The following PALM2AKAP2 variants were observed in gnomAD, a reference collection of about 807,000 sequenced individuals.
PALM2AKAP2 encodes the protein PALM2 and AKAP2 fusion.
A neutral mutation model predicts 71.5 loss-of-function variants in PALM2AKAP2; 37 were observed. The ratio of observed to expected loss-of-function variants is 0.52; its 90% CI spans 0.40 to 0.68. The LOEUF (loss-of-function observed/expected upper bound fraction) is 0.68. PALM2AKAP2 is among the 30% of genes least tolerant of loss of function. The pLI, the probability that PALM2AKAP2 is intolerant of heterozygous loss-of-function variation, is 0.00. For missense variants in PALM2AKAP2, 1,224 were observed against 1,191.8 expected, an observed-to-expected ratio of 1.03 and a Z score of -0.40; for synonymous variants, 468 against 478.8, an observed-to-expected ratio of 0.98 and a Z score of 0.29.
intron 3 of PALM2AKAP2, among the ~76,000 whole-genome samples, chr9:109,884,428 C>T (rs1333294782): frequency 6.6e-6 from 1 of 152,084 alleles, no homozygotes; most frequent in Non-Finnish European, 1.5e-5. Flanking sequence ...TGCCACTGCA[C>T]TCCAGCCTGG....
intron 1 of PALM2AKAP2, among the ~76,000 whole-genome samples, chr9:110,074,162 T>A (rs994816729): frequency 2.0e-5 from 3 of 152,192 alleles, no homozygotes; most frequent in Non-Finnish European, 4.4e-5. Flanking sequence ...TTGCGGGATG[T>A]TCAACAAAAT....
At chr9:109,945,562 G>A (rs1429237025) in intron 6 of PALM2AKAP2, 1 of 152,160 alleles carries the variant, frequency 6.6e-6, no homozygotes, top group Non-Finnish European at 1.5e-5. Flanking sequence ...GGAGAAAACA[G>A]TTTCAATGTC....
chr9:109,662,399 G>A (rs1178234843), intron 1 of PALM2AKAP2, among the ~76,000 whole-genome samples: 2 of 152,136 alleles, frequency 1.3e-5, no homozygotes, highest in African/African-American at 4.8e-5. Context: ...TTTGTCAAAG[G>A]CCTTTTCTGC....
chr9:110,135,164 A>AAAAAAAAAAATATAT lies in PALM2AKAP2; in HGVS notation c.157-962_157-961insAAAAAAAAATATATA. On this transcript the variant is annotated intron_variant, in intron 1 of 3. Coordinates refer to ENST00000374525, the Ensembl canonical transcript of PALM2AKAP2. ...AACTCTGTCTCTACAAAAAAAAAAAAATATATAAATATATATATATATATA... is the reference window on the plus strand; with the variant it reads ...AACTCTGTCTCTACAAAAAAAAAAAAAAAAAAAAAATATATATATATAAATATATATATATATATA... Among the ~76,000 whole-genome samples, 165 of 51,648 alleles carry AAAAAAAAAAATATAT rather than the reference A, an allele frequency of 3.2e-3. 7 individuals carry two copies. The highest frequency in any genetic ancestry group is 0.011 in the African/African-American group (144 of 13,558). 33.9% of individuals were successfully genotyped at this position (51,648 alleles called of 152,430 possible). A position where few individuals can be genotyped will look rare whatever the true frequency, so the allele number is the denominator to read the frequency against.
At chr9:110,132,353 C>G (rs565565871) in intron 1 of PALM2AKAP2, among the ~76,000 whole-genome samples, 1 of 151,432 alleles carries the variant, frequency 6.6e-6, no homozygotes, top group African/African-American at 2.4e-5. Flanking sequence ...AGCCACCGTG[C>G]GGGCTTCTTT....
At chr9:110,042,537 A>G (rs1833527559) in intron 7 of PALM2AKAP2, among the ~76,000 whole-genome samples, 1 of 152,246 alleles carries the variant, frequency 6.6e-6, no homozygotes, top group Admixed American at 6.5e-5. Flanking sequence ...TAAACATACA[A>G]ATCATCCATA....
intron 1 of PALM2AKAP2, among the ~76,000 whole-genome samples, chr9:109,697,592 A>C (rs371838880): frequency 6.6e-6 from 1 of 152,204 alleles, no homozygotes; most frequent in Non-Finnish European, 1.5e-5. Context: ...GTTTAGGATA[A>C]TATCATTTAT....
chr9:109,892,460 G>C (rs1313874676), intron 3 of PALM2AKAP2, among the ~76,000 whole-genome samples: 1 of 152,222 alleles, frequency 6.6e-6, no homozygotes, highest in East Asian at 1.9e-4. Context: ...AGGTTCTGGG[G>C]GTTAGGGTGT....
At chr9:109,922,764 C>T (rs1243256709) in intron 3 of PALM2AKAP2, among the ~76,000 whole-genome samples, 1 of 152,078 alleles carries the variant, frequency 6.6e-6, no homozygotes, top group Non-Finnish European at 1.5e-5. Context: ...CTTTAGATCC[C>T]ATGTGGTAAG....
At chr9:110,079,410 C>T (rs545629193) in intron 1 of PALM2AKAP2, among the ~76,000 whole-genome samples, 1 of 152,060 alleles carries the variant, frequency 6.6e-6, no homozygotes, top group Non-Finnish European at 1.5e-5. Context: ...GCAGGAGAAT[C>T]GCTTGAACTC....
intron 1 of PALM2AKAP2, among the ~76,000 whole-genome samples, chr9:109,817,780 G>A (rs1225404755): frequency 6.6e-6 from 1 of 152,130 alleles, no homozygotes; most frequent in Non-Finnish European, 1.5e-5. Flanking sequence ...TGGAAACAGG[G>A]CCCCTTTGTT....
At chr9:109,758,238 T>G (rs1828996301) in intron 1 of PALM2AKAP2, among the ~76,000 whole-genome samples, 2 of 152,150 alleles carry the variant, frequency 1.3e-5, no homozygotes, top group Non-Finnish European at 2.9e-5. Flanking sequence ...TGTACTATTG[T>G]ATGATATACA....
intron 1 of PALM2AKAP2, among the ~76,000 whole-genome samples, chr9:110,093,051 AGTGGCAGAAGAGGTG>A (rs1834752709): frequency 6.6e-6 from 1 of 152,174 alleles, no homozygotes. Context: ...GAAGGTAGAG[AGTGGCAGAAGAGGTG>A]GTTCTTTAAG....
intron 1 of PALM2AKAP2, among the ~76,000 whole-genome samples, chr9:109,759,280 G>A (rs978117029): frequency 7.2e-5 from 11 of 151,964 alleles, no homozygotes; most frequent in Admixed American, 1.3e-4. Flanking sequence ...ACACTTAGAT[G>A]TGATGTATCC....
At chr9:109,733,489 C>T (rs973000897) in intron 1 of PALM2AKAP2, among the ~76,000 whole-genome samples, 2 of 152,172 alleles carry the variant, frequency 1.3e-5, no homozygotes, top group African/African-American at 2.4e-5. Flanking sequence ...GTGGAAATAC[C>T]CTGGTGTGGT....
At chr9:109,772,747 A>C (rs1829288017) in intron 1 of PALM2AKAP2, among the ~76,000 whole-genome samples, 2 of 152,170 alleles carry the variant, frequency 1.3e-5, no homozygotes, top group African/African-American at 4.8e-5. Flanking sequence ...CCCTTCCAAA[A>C]ACTTGAAAGC....
At chr9:109,679,519 T>C (rs1827070218) in intron 1 of PALM2AKAP2, among the ~76,000 whole-genome samples, 2 of 152,184 alleles carry the variant, frequency 1.3e-5, no homozygotes, top group Admixed American at 1.3e-4. Flanking sequence ...TGACTTATAA[T>C]ATGATGTTTA....
chr9:109,715,325 T>C (rs1828300610), intron 1 of PALM2AKAP2, among the ~76,000 whole-genome samples: 1 of 152,172 alleles, frequency 6.6e-6, no homozygotes, highest in Non-Finnish European at 1.5e-5. Flanking sequence ...GGAAGGCCAG[T>C]CCGTGGCACC....
chr9:109,733,103 A>C (rs1828580793), intron 1 of PALM2AKAP2, among the ~76,000 whole-genome samples: 1 of 152,178 alleles, frequency 6.6e-6, no homozygotes, highest in African/African-American at 2.4e-5. Context: ...GAATGATTCC[A>C]TTAATGTATA....
Sources: allele counts gnomAD v4.1 joint callset (sites outside exome capture counted in the v4.1 genomes callset), GRCh38; gene constraint gnomAD v4.1.1; transcripts MANE v1.5; gene names NCBI Gene and HGNC (gene_info 2026-07-23, HGNC 2026-07-21).